Variants in PPP2R5C observed in about 807,000 individuals in gnomAD.
PPP2R5C encodes the protein serine/threonine-protein phosphatase 2A 56 kDa regulatory subunit gamma isoform.
Under a neutral mutation model 68.9 loss-of-function variants are expected in PPP2R5C, and 7 were observed. The observed-to-expected ratio is 0.10, with a 90% CI of 0.06 to 0.19. The LOEUF is 0.19. Ranked by LOEUF, PPP2R5C falls within the 10% of genes least tolerant of loss-of-function variation. The pLI, the probability that PPP2R5C is intolerant of heterozygous loss-of-function variation, is 1.00. For missense variants in PPP2R5C, 348 were observed against 641.3 expected, an observed-to-expected ratio of 0.54 and a Z score of 4.94; for synonymous variants, 210 against 222.2, an observed-to-expected ratio of 0.95 and a Z score of 0.49.
At position 101,915,573 on chromosome 14, in the gene PPP2R5C, G is replaced by A. The variant is rs1251389528; in HGVS notation, c.1327-2258G>A. On this transcript the variant is annotated intron_variant, in intron 12 of 13. Coordinates refer to ENST00000334743, the Ensembl canonical transcript of PPP2R5C. This position sits in a 1 kb window ranked among gnomAD's most constrained non-coding sequence, Gnocchi z 4.2. Reference sequence around the variant, plus strand: ...AGAGCACTGCTTGTTGCCTGGAGTAGTCAAAAGCAGAAGAAGCGTTGGTGT... The same window carrying A: ...AGAGCACTGCTTGTTGCCTGGAGTAATCAAAAGCAGAAGAAGCGTTGGTGT... 6.6e-6 allele frequency among the ~76,000 whole-genome samples: 1 copy of A among 152,238 alleles called. No individual in the cohort carries two copies. The highest frequency in any genetic ancestry group is 6.5e-5 in the Admixed American group (1 of 15,290).
At chr14:101,861,386 A>G (rs1275468326) in intron 2 of PPP2R5C, among the ~76,000 whole-genome samples, 2 of 152,236 alleles carry the variant, frequency 1.3e-5, no homozygotes, top group East Asian at 3.8e-4. Context: ...CTGTGATGTT[A>G]GAACTATTTC....
intron 1 of PPP2R5C, among the ~76,000 whole-genome samples, chr14:101,837,930 G>A (rs1271092444): frequency 6.6e-6 from 1 of 152,226 alleles, no homozygotes; most frequent in Non-Finnish European, 1.5e-5. Flanking sequence ...GTGGGAGACT[G>A]AGATTCAGGC....
In PPP2R5C at chr14:101,916,047, C is replaced by A. The variant is rs1315114333; in HGVS notation, c.1327-1784C>A. On this transcript the variant is annotated intron_variant, in intron 12 of 13. Transcript: ENST00000334743. This position sits in a 1 kb window ranked among gnomAD's most constrained non-coding sequence, Gnocchi z 5.5. ...CAGTTATGGGGTGGGCCGGTGCGAT[C>A]TGCTGAGAGGTGAGGGTGGAGAGGG... Among the ~76,000 whole-genome samples, 1 of 152,132 alleles carries A rather than the reference C, an allele frequency of 6.6e-6. No individual in the cohort carries two copies. Among genetic ancestry groups the A allele is most frequent in the Non-Finnish European group, 1.5e-5 (1 of 68,026 alleles).
chr14:101,811,951 G>C (rs756159178), intron 1 of PPP2R5C, among the ~76,000 whole-genome samples: 4 of 152,016 alleles, frequency 2.6e-5, no homozygotes, highest in African/African-American at 4.8e-5. Flanking sequence ...TATAATTGTG[G>C]AGGGAAAAAG....
chr14:101,763,659 G>A (rs150335683), intron 2 of PPP2R5C, among the ~76,000 whole-genome samples: 1,611 of 152,182 alleles, frequency 0.011, 33 homozygotes, highest in African/African-American at 0.037. Context: ...GGGATTACAG[G>A]CCTGAGCCAC....
chr14:101,895,634 C>T (rs559146916), intron 8 of PPP2R5C, among the ~76,000 whole-genome samples: 11 of 152,262 alleles, frequency 7.2e-5, no homozygotes, highest in Admixed American at 5.2e-4. Flanking sequence ...TCTTGGGTTG[C>T]GTATCAGAAC....
At chr14:101,870,369 G>A (rs1205476835) in intron 2 of PPP2R5C, among the ~76,000 whole-genome samples, 3 of 152,108 alleles carry the variant, frequency 2.0e-5, no homozygotes, top group East Asian at 1.9e-4. Flanking sequence ...TCTGCAGTTC[G>A]TTCTTTGGCG....
rs562607224 is a variant in PPP2R5C at position 101,879,962 on chromosome 14, C to T, written c.295-2199C>T. 6.6e-5 allele frequency among the ~76,000 whole-genome samples: 10 copies of T among 152,270 alleles called. No homozygotes were observed. The highest frequency in any genetic ancestry group is 2.4e-4 in the African/African-American group (10 of 41,532). On this transcript the variant is annotated intron_variant, in intron 2 of 13. Coordinates refer to ENST00000334743, the Ensembl canonical transcript of PPP2R5C. The surrounding 1 kb of genome is among the most constrained non-coding windows in gnomAD (Gnocchi z 4.2). Reference sequence around the variant, plus strand: ...TTAATAGTTGAGCTTTTAGCATCTGCTTGTTCACGTCTGTGGGCTTTGGGG... The same window carrying T: ...TTAATAGTTGAGCTTTTAGCATCTGTTTGTTCACGTCTGTGGGCTTTGGGG...
chr14:101,815,452 T>A (rs776926029), intron 1 of PPP2R5C, among the ~76,000 whole-genome samples: 2 of 152,134 alleles, frequency 1.3e-5, no homozygotes, highest in African/African-American at 4.8e-5. Context: ...AGGGAGAAAG[T>A]TGATAATCTT....
At chr14:101,832,058 G>A (rs757400663) in intron 1 of PPP2R5C, among the ~76,000 whole-genome samples, 4 of 152,248 alleles carry the variant, frequency 2.6e-5, no homozygotes, top group African/African-American at 4.8e-5. Context: ...AGCAAAGGCT[G>A]AGAGCAAGTG....
upstream of PPP2R5C, among the ~76,000 whole-genome samples, chr14:101,805,499 T>C (rs1015914560): frequency 6.6e-6 from 1 of 152,016 alleles, no homozygotes; most frequent in African/African-American, 2.4e-5. Flanking sequence ...AATAATAGAA[T>C]GGGAAAAAAA....
chr14:101,761,531 G>A (rs1291806473), upstream of PPP2R5C, among the ~76,000 whole-genome samples: 1 of 146,862 alleles, frequency 6.8e-6, no homozygotes, highest in Non-Finnish European at 1.5e-5. Flanking sequence ...GTACGTGGGG[G>A]CGCGTCGACC....
Position 101,835,165 on chromosome 14 carries a change from C to T in PPP2R5C, c.95-21521C>T, listed in dbSNP as rs879941939. Among the ~76,000 whole-genome samples the T allele has an allele frequency of 2.0e-5, 3 of 152,182 alleles. No homozygotes were observed. Among genetic ancestry groups the T allele is most frequent in the Non-Finnish European group, 4.4e-5 (3 of 68,036 alleles). On this transcript the variant is annotated intron_variant, in intron 1 of 13. Coordinates refer to ENST00000334743, the Ensembl canonical transcript of PPP2R5C. The surrounding 1 kb of genome is among the most constrained non-coding windows in gnomAD (Gnocchi z 5.0). ...TTGGTAGGCTGGACACTGGGCTGCT[C>T]CTCATGGCGGTGGGAGCATGGGCTG...
intron 13 of PPP2R5C, chr14:101,921,838 C>A: frequency 2.4e-6 from 1 of 412,516 alleles, no homozygotes; most frequent in Non-Finnish European, 3.3e-6. Context: ...GAAATTCAAC[C>A]ATGTATCTAC....
chr14:101,854,238 G>A (rs971445012), intron 1 of PPP2R5C, among the ~76,000 whole-genome samples: 23 of 152,138 alleles, frequency 1.5e-4, no homozygotes, highest in African/African-American at 2.2e-4. Flanking sequence ...ATGGCCTTGC[G>A]TGTGTGCTTC....
intron 8 of PPP2R5C, among the ~76,000 whole-genome samples, chr14:101,896,933 G>C (rs946332350): frequency 6.6e-6 from 1 of 152,092 alleles, no homozygotes; most frequent in Admixed American, 6.6e-5. Context: ...ACTGGCTTTT[G>C]GGCTCTGCTT....
chr14:101,780,161 G>A (rs148430864), intron 2 of PPP2R5C, among the ~76,000 whole-genome samples: 9 of 152,240 alleles, frequency 5.9e-5, no homozygotes, highest in Non-Finnish European at 1.2e-4. Flanking sequence ...GAACCAGAAC[G>A]TGATTGCCTC....
chr14:101,809,057 T>G (rs1480453488), upstream of PPP2R5C, among the ~76,000 whole-genome samples: 3 of 152,178 alleles, frequency 2.0e-5, no homozygotes, highest in Admixed American at 6.5e-5. Flanking sequence ...AATTTTAAAT[T>G]TAAACAAAAT....
chr14:101,847,542 G>GATACTGTCTTTTAATGT (rs1454781465), intron 1 of PPP2R5C, among the ~76,000 whole-genome samples: 5 of 152,132 alleles, frequency 3.3e-5, no homozygotes, highest in African/African-American at 1.2e-4. Context: ...TTTTAGATCA[G>GATACTGTCTTTTAATGT]ATACTGTCTT....
Sources: allele counts gnomAD v4.1 joint callset (sites outside exome capture counted in the v4.1 genomes callset), GRCh38; gene constraint gnomAD v4.1.1; non-coding constraint Gnocchi (gnomAD v3.1); transcripts MANE v1.5; gene names NCBI Gene and HGNC (gene_info 2026-07-23, HGNC 2026-07-21).